The following NRXN1 variants were observed in gnomAD, a reference collection of about 807,000 sequenced individuals.
NRXN1 encodes the protein neurexin-1.
A neutral mutation model predicts 150.9 loss-of-function variants in NRXN1; 39 were observed. That is an observed-to-expected ratio of 0.26 (90% CI 0.20 to 0.34). The LOEUF is 0.34. Among genes scored for constraint, NRXN1 ranks in the 10% least tolerant of loss-of-function variants. NRXN1 has a pLI of 1.00. For missense variants in NRXN1, 1,815 were observed against 1,949.9 expected (o/e 0.93, Z 1.30); for synonymous variants, 924 against 757.0 (o/e 1.22, Z -3.62).
rs77158460 is a variant in NRXN1 at position 50,635,812 on chromosome 2, C to A, written c.833-12197G>T. Among the ~76,000 whole-genome samples the A allele has an allele frequency of 8.4e-3, 1,276 of 152,206 alleles. 20 individuals are homozygous for A. The highest frequency in any genetic ancestry group is 0.028 in the African/African-American group (1,180 of 41,532). On this transcript the variant is annotated intron_variant, in intron 5 of 22. Coordinates refer to ENST00000401669, the MANE Select transcript of NRXN1 (RefSeq NM_001330078.2). ...AGAAGTAGTTGAAGGGTCAGTCTTTCGGTCCTGTAGTAAATGCTGAGGAAG... is the reference window on the plus strand; with the variant it reads ...AGAAGTAGTTGAAGGGTCAGTCTTTAGGTCCTGTAGTAAATGCTGAGGAAG...
rs556729789 is a variant in NRXN1 at position 50,735,941 on chromosome 2, C to T, written c.833-112326G>A. On this transcript the variant is annotated intron_variant, in intron 5 of 22. Coordinates refer to ENST00000401669, the MANE Select transcript of NRXN1 (RefSeq NM_001330078.2). ...AATAGCTTTTTAATGGGCTCTCAGA[C>T]ATTCACTCCAAAATCCCCTAATCTG... 1.7e-3 allele frequency among the ~76,000 whole-genome samples: 254 copies of T among 152,286 alleles called. 1 individual carries two copies. The highest frequency in any genetic ancestry group is 6.0e-3 in the African/African-American group (248 of 41,564).
chr2:49,962,131 A>G (rs891628383), intron 21 of NRXN1, among the ~76,000 whole-genome samples: 4 of 152,134 alleles, frequency 2.6e-5, no homozygotes, highest in Non-Finnish European at 4.4e-5. Flanking sequence ...TAGGTATTCA[A>G]TTCTTTGGGT....
At chr2:50,787,777 T>C (rs1302886913) in intron 5 of NRXN1, among the ~76,000 whole-genome samples, 1 of 151,730 alleles carries the variant, frequency 6.6e-6, no homozygotes, top group Non-Finnish European at 1.5e-5. Context: ...GAGTTAGTTG[T>C]TTTTCCTGAG....
At chr2:50,897,640 C>A (rs1196479976) in intron 5 of NRXN1, among the ~76,000 whole-genome samples, 1 of 152,158 alleles carries the variant, frequency 6.6e-6, no homozygotes, top group Non-Finnish European at 1.5e-5. Flanking sequence ...ACTCACTGTG[C>A]AGAAATGAAG....
At chr2:50,915,826 T>C (rs1199194839) in intron 5 of NRXN1, among the ~76,000 whole-genome samples, 1 of 151,114 alleles carries the variant, frequency 6.6e-6, no homozygotes, top group Non-Finnish European at 1.5e-5. Flanking sequence ...CTTTTGCAAT[T>C]TGTCATGTAA....
intron 18 of NRXN1, among the ~76,000 whole-genome samples, chr2:50,157,325 T>C (rs2059082516): frequency 1.3e-5 from 2 of 151,990 alleles, no homozygotes. Flanking sequence ...TTTTCACCAG[T>C]CATTCAGGCA....
chr2:50,458,801 C>T (rs1195007495), intron 17 of NRXN1, among the ~76,000 whole-genome samples: 3 of 151,926 alleles, frequency 2.0e-5, no homozygotes, highest in Non-Finnish European at 2.9e-5. Flanking sequence ...AGGATGGTCT[C>T]GAACTCCTAA....
At chr2:50,525,602 A>G (rs555595411) in intron 12 of NRXN1, among the ~76,000 whole-genome samples, 1 of 152,224 alleles carries the variant, frequency 6.6e-6, no homozygotes. Flanking sequence ...AATGAGCATC[A>G]ATAAACTGAG....
intron 12 of NRXN1, among the ~76,000 whole-genome samples, chr2:50,521,685 T>C (rs1195439460): frequency 6.6e-6 from 1 of 152,152 alleles, no homozygotes; most frequent in Non-Finnish European, 1.5e-5. Context: ...GTAATTCTCA[T>C]GGGTATTTTA....
Position 50,373,291 on chromosome 2 carries a change from TTTTTTATTATTATTA to T in NRXN1, c.3364+92136_3364+92150del, listed in dbSNP as rs1181846991. On this transcript the variant is annotated intron_variant, in intron 17 of 22. Coordinates refer to ENST00000401669, the MANE Select transcript of NRXN1 (RefSeq NM_001330078.2). ...TCCATATCAGATTTATTTTATTTTA[TTTTTTATTATTATTA>T]TTATTATTATTATTATTATTATTAT... Among the ~76,000 whole-genome samples the T allele has an allele frequency of 1.8e-4, 7 of 38,788 alleles. 1 individual carries two copies. The highest frequency in any genetic ancestry group is 4.3e-3 in the East Asian group (1 of 234). The allele number at this position is 38,788 out of a possible 152,430, so 25.4% of individuals were successfully genotyped here.
intron 8 of NRXN1, chr2:50,589,201 T>G (rs1444092341): frequency 1.3e-5 from 2 of 151,934 alleles, no homozygotes; most frequent in East Asian, 1.9e-4. Flanking sequence ...AGAGGAGGAG[T>G]AGGACTGCTG....
chr2:50,676,270 T>C (rs1689526424), intron 5 of NRXN1, among the ~76,000 whole-genome samples: 1 of 152,184 alleles, frequency 6.6e-6, no homozygotes, highest in Non-Finnish European at 1.5e-5. Context: ...GCTGGCACCA[T>C]GCTTGTATAA....
intron 17 of NRXN1, among the ~76,000 whole-genome samples, chr2:50,404,683 T>C (rs2082628669): frequency 6.6e-6 from 1 of 152,142 alleles, no homozygotes; most frequent in Non-Finnish European, 1.5e-5. Flanking sequence ...GTTTGTCTGA[T>C]TTCCTTTACT....
intron 2 of NRXN1, among the ~76,000 whole-genome samples, chr2:50,989,999 T>TA (rs1181904791): frequency 1.1e-4 from 16 of 152,000 alleles, no homozygotes; most frequent in Admixed American, 2.0e-4. Flanking sequence ...GTCATTTTTT[T>TA]AAAAAATTAG....
At chr2:50,028,013 G>A (rs1157339598) in intron 21 of NRXN1, among the ~76,000 whole-genome samples, 1 of 151,872 alleles carries the variant, frequency 6.6e-6, no homozygotes, top group Non-Finnish European at 1.5e-5. Flanking sequence ...TTGGGCATAA[G>A]TACTGAGAGC....
intron 17 of NRXN1, among the ~76,000 whole-genome samples, chr2:50,422,726 T>C (rs184357932): frequency 3.9e-5 from 6 of 152,294 alleles, no homozygotes; most frequent in African/African-American, 1.2e-4. Context: ...TCTCAGAGAA[T>C]TGTCTGCTTA....
chr2:49,986,950 A>C (rs1195957683), intron 21 of NRXN1, among the ~76,000 whole-genome samples: 1 of 152,014 alleles, frequency 6.6e-6, no homozygotes, highest in African/African-American at 2.4e-5. Flanking sequence ...CTGCAGTTCC[A>C]GTTACTTGGG....
intron 17 of NRXN1, among the ~76,000 whole-genome samples, chr2:50,408,206 TA>T (rs1009864436): frequency 1.1e-4 from 16 of 152,220 alleles, no homozygotes; most frequent in Admixed American, 8.5e-4. Flanking sequence ...TTCCAAGGGC[TA>T]CTGTGAAGAA....
chr2:50,844,774 A>C (rs1470416656), intron 5 of NRXN1, among the ~76,000 whole-genome samples: 1 of 152,190 alleles, frequency 6.6e-6, no homozygotes, highest in African/African-American at 2.4e-5. Flanking sequence ...AGGCCAGAGC[A>C]AGTATCATGG....
Sources: allele counts gnomAD v4.1 joint callset (sites outside exome capture counted in the v4.1 genomes callset), GRCh38; gene constraint gnomAD v4.1.1; transcripts MANE v1.5; gene names NCBI Gene and HGNC (gene_info 2026-07-23, HGNC 2026-07-21).